Variants in HOMER2 observed in about 807,000 individuals in gnomAD.
HOMER2 encodes homer scaffold protein 2, also known as homer protein homolog 2.
HOMER2 carries 27 observed loss-of-function variants against 47.0 expected under a neutral mutation model. The observed-to-expected ratio is 0.57, with a 90% confidence interval of 0.42 to 0.79. The LOEUF (loss-of-function observed/expected upper bound fraction) is 0.79, where lower values mean the gene tolerates loss of function less well. HOMER2 is among the 30% of genes least tolerant of loss of function. The pLI is 0.00. For synonymous variants in HOMER2, 161 were observed against 163.8 expected, an observed-to-expected ratio of 0.98 and a Z score of 0.13; for missense variants, 443 against 435.0, an observed-to-expected ratio of 1.02 and a Z score of -0.16.
Position 82,864,227 on chromosome 15 carries a change from A to C in HOMER2, c.327T>G (p.Ala109=). The C allele has an allele frequency of 6.2e-7, 1 of 1,612,734 alleles. No individual in the cohort carries two copies. Among genetic ancestry groups the C allele is most frequent in the South Asian group, 1.1e-5 (1 of 90,868 alleles). ...FAEKFQEVKE[A]AKIAKDKTQE... is the part of the protein sequence containing the mutation. ...GCGTCTTGTCTTTGGCTATCTTGGC[A>C]GCTTCTTTCACCTCCTGGAATTTCT... Residue 109 remains alanine, a synonymous_variant, in exon 4 of 9, where the codon GCT becomes GCG. Transcript: ENST00000450735.
chr15:82,930,818 G>C (rs2053987292), intron 1 of HOMER2, among the ~76,000 whole-genome samples: 1 of 152,150 alleles, frequency 6.6e-6, no homozygotes, highest in Non-Finnish European at 1.5e-5. Context: ...TTGAGGTCTG[G>C]AGTTTGAGAC....
intron 1 of HOMER2, among the ~76,000 whole-genome samples, chr15:82,975,667 T>C (rs1156893793): frequency 6.6e-6 from 1 of 152,126 alleles, no homozygotes; most frequent in Non-Finnish European, 1.5e-5. Flanking sequence ...ATCACAACAA[T>C]TGAACTCATG....
At chr15:82,850,015 G>A in intron 8 of HOMER2, 112 bp from the exon 9 acceptor site, 2 of 1,091,504 alleles carry the variant, frequency 1.8e-6, no homozygotes, top group Non-Finnish European at 2.7e-6. Context: ...GCCTGGGCCA[G>A]GGCTTAAGCT....
chr15:82,952,090 T>C lies in HOMER2; in HGVS notation c.5+441A>G, dbSNP rs987098859. ...CACTATTCCTACGCTGGAGGTTTAT[T>C]ATTATTTGATTATTTCCAGGAAAAC... On this transcript the variant is annotated intron_variant, in intron 1 of 8. Coordinates refer to ENST00000450735, the MANE Select transcript of HOMER2 (RefSeq NM_004839.4). 14 of 969,602 alleles carry C rather than the reference T, an allele frequency of 1.4e-5. No individual in the cohort carries two copies. In the Admixed American group the frequency reaches 3.1e-4, roughly 21 times the overall value. 60.1% of individuals were successfully genotyped at this position (969,602 alleles called of 1,614,324 possible). A position where few individuals can be genotyped will look rare whatever the true frequency, so the allele number is the denominator to read the frequency against.
chr15:82,893,768 C>T (rs915042231), intron 1 of HOMER2, among the ~76,000 whole-genome samples: 5 of 151,938 alleles, frequency 3.3e-5, no homozygotes, highest in Non-Finnish European at 7.4e-5. Context: ...ACTACAGGCA[C>T]GTGACACCAC....
chr15:82,945,174 A>G (rs1391303864), intron 1 of HOMER2, among the ~76,000 whole-genome samples: 1 of 151,808 alleles, frequency 6.6e-6, no homozygotes, highest in Non-Finnish European at 1.5e-5. Flanking sequence ...TCCTTCAGTA[A>G]TTCATTTAAA....
chr15:82,875,160 C>A, intron 3 of HOMER2, 113 bp downstream of exon 3: 2 of 1,301,012 alleles, frequency 1.5e-6, no homozygotes, highest in Non-Finnish European at 2.1e-6. Context: ...AGGAGTGAAA[C>A]CAAAGACCAG....
At chr15:82,947,480 C>G (rs1163359525) in intron 1 of HOMER2, among the ~76,000 whole-genome samples, 3 of 152,208 alleles carry the variant, frequency 2.0e-5, no homozygotes, top group Non-Finnish European at 2.9e-5. Flanking sequence ...TTTGTAAACA[C>G]TGACAAAATC....
intron 5 of HOMER2, among the ~76,000 whole-genome samples, chr15:82,856,829 G>A (rs1256433): frequency 0.13 from 20,309 of 152,106 alleles, 1,777 homozygotes; most frequent in South Asian, 0.32. Flanking sequence ...CCAACTCTGT[G>A]GCGGCTCTGG....
intron 1 of HOMER2, among the ~76,000 whole-genome samples, chr15:82,985,099 G>A (rs769819137): frequency 2.0e-5 from 3 of 152,128 alleles, no homozygotes; most frequent in Non-Finnish European, 4.4e-5. Flanking sequence ...GGGAGAGACA[G>A]GTATTTCATG....
At chr15:82,836,977 T>TC (rs1180663771) in exon 2 of HOMER2, 1 of 152,290 alleles carries the variant, frequency 6.6e-6, no homozygotes, top group East Asian at 1.9e-4. Flanking sequence ...ATCTTACAGT[T>TC]CCATAGTCAG....
chr15:82,918,454 T>C, intron 1 of HOMER2, among the ~76,000 whole-genome samples: 1 of 152,086 alleles, frequency 6.6e-6, no homozygotes, highest in Non-Finnish European at 1.5e-5. Flanking sequence ...CAGGGCCTCA[T>C]TTCCGTGTCC....
intron 1 of HOMER2, among the ~76,000 whole-genome samples, chr15:82,898,960 G>C (rs1298590306): frequency 6.6e-6 from 1 of 152,124 alleles, no homozygotes; most frequent in Admixed American, 6.5e-5. Flanking sequence ...ACCCTAATTA[G>C]TTTGTATCTG....
At chr15:82,966,081 A>G (rs1180722223) in intron 1 of HOMER2, among the ~76,000 whole-genome samples, 1 of 152,156 alleles carries the variant, frequency 6.6e-6, no homozygotes, top group Non-Finnish European at 1.5e-5. Context: ...AGCCTGGGTG[A>G]CAGAGTGAGA....
intron 1 of HOMER2, among the ~76,000 whole-genome samples, chr15:82,929,738 T>G (rs943589920): frequency 2.8e-5 from 4 of 144,900 alleles, no homozygotes; most frequent in Admixed American, 1.4e-4. Flanking sequence ...AGTTTTGTTG[T>G]TTTTTTTTTG....
At chr15:82,973,487 G>T (rs1289285938) in intron 1 of HOMER2, among the ~76,000 whole-genome samples, 4 of 152,108 alleles carry the variant, frequency 2.6e-5, no homozygotes, top group Non-Finnish European at 4.4e-5. Flanking sequence ...TAAATGCTCG[G>T]TATTTACTAC....
intron 1 of HOMER2, among the ~76,000 whole-genome samples, chr15:82,904,391 G>A (rs1160852766): frequency 6.6e-6 from 1 of 152,184 alleles, no homozygotes; most frequent in Admixed American, 6.5e-5. Context: ...AACTCCAGAG[G>A]GATCCAATCA....
chr15:82,854,346 C>T (rs943744027), intron 6 of HOMER2, among the ~76,000 whole-genome samples: 3 of 152,142 alleles, frequency 2.0e-5, no homozygotes, highest in Non-Finnish European at 4.4e-5. Flanking sequence ...CAGGAGGCTG[C>T]AGTGCACTGA....
intron 1 of HOMER2, among the ~76,000 whole-genome samples, chr15:82,912,210 C>T (rs2053472525): frequency 6.6e-6 from 1 of 152,178 alleles, no homozygotes; most frequent in Non-Finnish European, 1.5e-5. Flanking sequence ...ATTTTCAGAG[C>T]ACCCCTCAAA....
Sources: allele counts gnomAD v4.1 joint callset (sites outside exome capture counted in the v4.1 genomes callset), GRCh38; gene constraint gnomAD v4.1.1; transcripts MANE v1.5; gene names NCBI Gene and HGNC (gene_info 2026-07-23, HGNC 2026-07-21).